Variants in SLIT2 observed in about 807,000 individuals in gnomAD.
The protein encoded by SLIT2 is slit homolog 2 protein.
SLIT2 carries 41 observed loss-of-function variants against 185.7 expected under a neutral mutation model. The ratio of observed to expected loss-of-function variants is 0.22; its 90% CI spans 0.17 to 0.29. The LOEUF is 0.29. Among genes scored for constraint, SLIT2 ranks in the 10% least tolerant of loss-of-function variants. SLIT2 has a pLI of 1.00. For missense variants in SLIT2, 1,571 were observed against 1,909.0 expected (o/e 0.82, Z 3.30); for synonymous variants, 693 against 680.2 (o/e 1.02, Z -0.29).
At chr4:20,350,600 A>C (rs948912868) in intron 4 of SLIT2, among the ~76,000 whole-genome samples, 1 of 152,182 alleles carries the variant, frequency 6.6e-6, no homozygotes, top group African/African-American at 2.4e-5. Flanking sequence ...TATTAAGTAC[A>C]TCATTATTAT....
intron 4 of SLIT2, among the ~76,000 whole-genome samples, chr4:20,292,580 A>G (rs1716066622): frequency 6.6e-6 from 1 of 152,166 alleles, no homozygotes; most frequent in African/African-American, 2.4e-5. Flanking sequence ...GTGTTTATGG[A>G]AATTTTTTAG....
chr4:20,267,983 T>C (rs772766454), intron 3 of SLIT2, among the ~76,000 whole-genome samples: 2 of 151,816 alleles, frequency 1.3e-5, no homozygotes, highest in Non-Finnish European at 2.9e-5. Context: ...AGCAGAGAAA[T>C]AGACAGTTAT....
In SLIT2 at chr4:20,359,140, A is replaced by G. The variant is rs372007045; in HGVS notation, c.395+90259A>G. Among the ~76,000 whole-genome samples, 4 of 152,270 alleles carry G rather than the reference A, an allele frequency of 2.6e-5. No individual in the cohort carries two copies. The South Asian group carries it at 8.3e-4, about 32-fold the overall frequency. ...TATCCCAATTATAAAACGTCTTTAT[A>G]GTCCACTATGGCAATTATGAAGGCA... On this transcript the variant is annotated intron_variant, in intron 4 of 36. Transcript: ENST00000504154.
intron 4 of SLIT2, among the ~76,000 whole-genome samples, chr4:20,361,171 G>T (rs181058311): frequency 1.1e-4 from 17 of 151,854 alleles, no homozygotes; most frequent in African/African-American, 4.1e-4. Flanking sequence ...GTTTTCAAAC[G>T]ATATCCTAAA....
intron 4 of SLIT2, among the ~76,000 whole-genome samples, chr4:20,423,172 G>C (rs542121857): frequency 2.6e-5 from 4 of 152,026 alleles, no homozygotes; most frequent in South Asian, 4.1e-4. Flanking sequence ...GTAAATCCAC[G>C]TACAGACATA....
At chr4:20,295,252 T>A (rs1716345330) in intron 4 of SLIT2, among the ~76,000 whole-genome samples, 2 of 152,232 alleles carry the variant, frequency 1.3e-5, no homozygotes, top group Admixed American at 1.3e-4. Flanking sequence ...CTGGAATTTC[T>A]TTGCTTAAAG....
In SLIT2 at chr4:20,253,441, C is replaced by A. The variant is rs903333509; in HGVS notation, c.-375C>A. On this transcript the variant is annotated 5_prime_UTR_variant, in exon 1 of 37. Transcript: ENST00000504154. The stretch of plus-strand genomic sequence containing the variant: ...GGACCGCCCTCCCCACAACAACCGG[C>A]CCCTGCATCTTAGCAGCCGTTGGAA... 2.6e-5 allele frequency: 7 copies of A among 265,794 alleles called. No individual in the cohort carries two copies. The Admixed American group carries it at 3.5e-4, about 13-fold the overall frequency. 16.5% of individuals were successfully genotyped at this position (265,794 alleles called of 1,614,324 possible). A position where few individuals can be genotyped will look rare whatever the true frequency, so the allele number is the denominator to read the frequency against.
intron 5 of SLIT2, among the ~76,000 whole-genome samples, chr4:20,472,361 T>G (rs1345187640): frequency 2.4e-5 from 1 of 42,188 alleles, no homozygotes; most frequent in South Asian, 1.0e-3. Flanking sequence ...TAGATATCTA[T>G]ATAGATATCT....
chr4:20,376,104 T>A (rs1221730482), intron 4 of SLIT2, among the ~76,000 whole-genome samples: 1 of 145,524 alleles, frequency 6.9e-6, no homozygotes, highest in Non-Finnish European at 1.5e-5. Context: ...GAGAAGAATA[T>A]CATTGTTTAA....
intron 34 of SLIT2, among the ~76,000 whole-genome samples, chr4:20,613,651 T>C (rs966321237): frequency 2.6e-5 from 4 of 152,014 alleles, no homozygotes; most frequent in African/African-American, 9.7e-5. Flanking sequence ...CATAATACAC[T>C]GTTGGTGGGG....
At chr4:20,317,070 T>C (rs924810062) in intron 4 of SLIT2, among the ~76,000 whole-genome samples, 1 of 151,962 alleles carries the variant, frequency 6.6e-6, no homozygotes, top group Admixed American at 6.6e-5. Flanking sequence ...TTGGTTTACT[T>C]ACTAGTTCAC....
chr4:20,338,809 CT>C (rs1017393950), intron 4 of SLIT2, among the ~76,000 whole-genome samples: 1 of 152,030 alleles, frequency 6.6e-6, no homozygotes, highest in African/African-American at 2.4e-5. Context: ...TTACTGTGGG[CT>C]GGGCAGAGTG....
chr4:20,345,274 G>A (rs568880755), intron 4 of SLIT2, among the ~76,000 whole-genome samples: 17 of 152,156 alleles, frequency 1.1e-4, no homozygotes, highest in African/African-American at 3.6e-4. Flanking sequence ...TCTTTAGTCT[G>A]TCTTGGTCTG....
intron 4 of SLIT2, among the ~76,000 whole-genome samples, chr4:20,288,988 G>C (rs1241025477): frequency 2.0e-5 from 3 of 152,154 alleles, no homozygotes; most frequent in African/African-American, 7.2e-5. Flanking sequence ...GCCAAAGAAA[G>C]GGCATGTGTT....
At chr4:20,284,214 C>T (rs1191360126) in intron 4 of SLIT2, among the ~76,000 whole-genome samples, 1 of 152,188 alleles carries the variant, frequency 6.6e-6, no homozygotes, top group South Asian at 2.1e-4. Flanking sequence ...TGATGGACAC[C>T]TTCCCATATG....
At chr4:20,474,892 G>A (rs1308381305) in intron 5 of SLIT2, among the ~76,000 whole-genome samples, 1 of 151,712 alleles carries the variant, frequency 6.6e-6, no homozygotes, top group African/African-American at 2.4e-5. Context: ...TAGACACTAT[G>A]GCAAAGCCCT....
intron 4 of SLIT2, among the ~76,000 whole-genome samples, chr4:20,464,747 C>G (rs1015314652): frequency 6.6e-5 from 10 of 152,146 alleles, no homozygotes; most frequent in Admixed American, 2.6e-4. Context: ...TTTGCCGTTC[C>G]TCCCCTGCCC....
intron 18 of SLIT2, among the ~76,000 whole-genome samples, chr4:20,534,836 G>T (rs550951249): frequency 1.3e-5 from 2 of 152,030 alleles, no homozygotes; most frequent in Non-Finnish European, 2.9e-5. Flanking sequence ...ATCCCCACCC[G>T]CAAAGCCCTC....
At chr4:20,370,109 T>C (rs1415531989) in intron 4 of SLIT2, among the ~76,000 whole-genome samples, 1 of 152,072 alleles carries the variant, frequency 6.6e-6, no homozygotes, top group Non-Finnish European at 1.5e-5. Flanking sequence ...TAGCAAGCTC[T>C]TCAGGTGATT....
Sources: gnomAD v4.1 joint callset for allele counts (sites outside exome capture counted in the v4.1 genomes callset) on GRCh38, gnomAD v4.1.1 for gene constraint, MANE v1.5 for transcripts, NCBI Gene and HGNC (gene_info 2026-07-23, HGNC 2026-07-21) for gene names.